The following FHDC1 variants were observed in gnomAD, a reference collection of about 807,000 sequenced individuals.
FHDC1 encodes the protein FH2 domain containing 1, also known as FH2 domain-containing protein 1.
A neutral mutation model predicts 52.6 loss-of-function variants in FHDC1; 25 were observed. The ratio of observed to expected loss-of-function variants is 0.48; its 90% confidence interval spans 0.35 to 0.66. FHDC1 has a LOEUF of 0.66. Ranked by LOEUF, FHDC1 falls within the 30% of genes least tolerant of loss-of-function variation. The pLI is 0.01. For synonymous variants in FHDC1, 616 were observed against 581.5 expected (o/e 1.06, Z -0.85); for missense variants, 1,459 against 1,452.8 (o/e 1.00, Z -0.07).
In FHDC1 at chr4:152,976,579, G is replaced by A. The variant is rs1561218242; in HGVS notation, c.3288G>A (p.Lys1096=). Residue 1096 remains lysine, a synonymous_variant, in exon 12 of 12, where the codon AAG becomes AAA. Transcript: ENST00000511601. The part of the protein sequence containing the change: ...LRRASSARAP[K]KRPESAEGPS... ...GAGCCAGCAGTGCCCGGGCCCCCAA[G>A]AAGCGCCCAGAGTCTGCGGAGGGTC... is the stretch of plus-strand genomic sequence containing the variant. The A allele has an allele frequency of 6.2e-7, 1 of 1,612,450 alleles. No individual in the cohort carries two copies. The highest frequency in any genetic ancestry group is 8.5e-7 in the Non-Finnish European group (1 of 1,179,570).
At position 152,976,016 on chromosome 4, in the gene FHDC1, A is replaced by T; in HGVS notation, c.2725A>T (p.Thr909Ser). The T allele has an allele frequency of 6.4e-7, 1 of 1,551,002 alleles. No homozygotes were observed. Among genetic ancestry groups the T allele is most frequent in the Non-Finnish European group, 8.7e-7 (1 of 1,152,906 alleles). ...GAGCATGCGCAAGGTCATGCCCATCACCAAGTCCAGCAGAGGCGCCGGCTG... is the reference window on the plus strand; with the variant it reads ...GAGCATGCGCAAGGTCATGCCCATCTCCAAGTCCAGCAGAGGCGCCGGCTG... ...NESMRKVMPI[T>S]KSSRGAGWRR... The change falls in exon 12 of 12, where the codon ACC (threonine) becomes TCC (serine). Residue 909 changes from threonine to serine, a missense_variant. Transcript: ENST00000511601.
intron 9 of FHDC1, among the ~76,000 whole-genome samples, chr4:152,966,703 C>T (rs1740466659): frequency 6.6e-6 from 1 of 152,168 alleles, no homozygotes; most frequent in Admixed American, 6.5e-5. Context: ...CTTAGGTGAT[C>T]TGCCCGCCCC....
intron 8 of FHDC1, 59 bp from the exon 9 acceptor site, chr4:152,964,846 A>G: frequency 7.0e-7 from 1 of 1,433,230 alleles, no homozygotes; most frequent in Non-Finnish European, 9.7e-7. Flanking sequence ...AAGCCCTAAG[A>G]AAATTATTTC....
intron 9 of FHDC1, 102 bp downstream of exon 9, chr4:152,965,077 G>A: frequency 8.8e-7 from 1 of 1,135,376 alleles, no homozygotes. Flanking sequence ...AAAAGGTTTT[G>A]TTTCATTGAA....
At chr4:152,965,828 T>A (rs1040351148) in intron 9 of FHDC1, among the ~76,000 whole-genome samples, 1 of 152,224 alleles carries the variant, frequency 6.6e-6, no homozygotes, top group African/African-American at 2.4e-5. Flanking sequence ...TCCTAGCATA[T>A]ACTTACTGAG....
chr4:152,928,192 C>T, the FHDC1 span: 3 of 780,524 alleles, frequency 3.8e-6, no homozygotes, highest in East Asian at 7.3e-5. Context: ...AAACCAATAC[C>T]TTCCTTGAGG....
the FHDC1 span, among the ~76,000 whole-genome samples, chr4:152,913,213 C>T: frequency 2.0e-5 from 3 of 152,150 alleles, no homozygotes; most frequent in South Asian, 2.1e-4. Context: ...AATATCTTCC[C>T]ATTGGGGAAA....
At chr4:152,928,157 G>A in the FHDC1 span, 44 of 825,728 alleles carry the variant, frequency 5.3e-5, 2 homozygotes, top group Admixed American at 6.3e-4. Context: ...CAATGCCACC[G>A]GAAAGATTGT....
chr4:152,976,125 T>C lies in FHDC1; in HGVS notation c.2834T>C (p.Val945Ala), dbSNP rs1740869945. ...ACTGTGTGGTCACGCCAGAACTCCG[T>C]GCGGAGGGCCTCCACAGGCGCCGAA... ...TDTVWSRQNSVRRASTGAEEQ... is the reference protein window; with the variant it reads ...TDTVWSRQNSARRASTGAEEQ... Residue 945 changes from valine to alanine, a missense_variant, in exon 12 of 12, where the codon GTG becomes GCG. By Grantham distance (64) the Val-to-Ala change is moderately conservative. Coordinates refer to ENST00000511601, the MANE Select transcript of FHDC1 (RefSeq NM_001371116.1). 2 of 1,611,310 alleles carry C rather than the reference T, an allele frequency of 1.2e-6. No homozygotes were observed.
intron 9 of FHDC1, among the ~76,000 whole-genome samples, chr4:152,966,490 C>T (rs1281537774): frequency 2.6e-5 from 4 of 151,990 alleles, no homozygotes; most frequent in Admixed American, 1.3e-4. Flanking sequence ...GATAGAGCCT[C>T]GCTGTGTCAC....
chr4:152,929,505 C>T, the FHDC1 span, among the ~76,000 whole-genome samples: 6 of 152,284 alleles, frequency 3.9e-5, no homozygotes, highest in African/African-American at 7.2e-5. This position sits in a 1 kb window ranked among gnomAD's most constrained non-coding sequence, Gnocchi z 4.1. Flanking sequence ...TGCCCAACGA[C>T]GCAGTTTCCA....
chr4:152,943,370 A>G lies in FHDC1; in HGVS notation c.313A>G (p.Ile105Val), dbSNP rs760473288. 7 of 1,613,414 alleles carry G rather than the reference A, an allele frequency of 4.3e-6. No homozygotes were observed. Among genetic ancestry groups the G allele is most frequent in the South Asian group, 2.2e-5 (2 of 91,042 alleles). The change falls in exon 2 of 12, where the codon ATT becomes GTT. Residue 105 changes from isoleucine (I) to valine (V), a missense_variant. Coordinates refer to ENST00000511601, the MANE Select transcript of FHDC1 (RefSeq NM_001371116.1). Reference protein sequence around the residue: ...KRMRSFFWKTIPEEQVRGKTN... With the variant: ...KRMRSFFWKTVPEEQVRGKTN... ...GATGAGAAGCTTTTTTTGGAAAACTATTCCGGAGGAGCAAGTTCGAGGCAA... is the reference window on the plus strand; with the variant it reads ...GATGAGAAGCTTTTTTTGGAAAACTGTTCCGGAGGAGCAAGTTCGAGGCAA...
the FHDC1 span, among the ~76,000 whole-genome samples, chr4:152,926,299 CACACAAACAAT>C: frequency 7.4e-6 from 1 of 135,610 alleles, no homozygotes; most frequent in African/African-American, 2.6e-5. Context: ...CACACACACA[CACACAAACAAT>C]ACACACAAAC....
chr4:152,923,648 T>C, the FHDC1 span, among the ~76,000 whole-genome samples: 1 of 148,892 alleles, frequency 6.7e-6, no homozygotes, highest in East Asian at 2.0e-4. Context: ...ATGGTACTGG[T>C]ACCAAAACAG....
At chr4:152,947,495 C>T (rs1739770212) in intron 2 of FHDC1, among the ~76,000 whole-genome samples, 1 of 152,184 alleles carries the variant, frequency 6.6e-6, no homozygotes, top group South Asian at 2.1e-4. Context: ...TCCTCAGGCC[C>T]CCTGGGAGCC....
intron 1 of FHDC1, among the ~76,000 whole-genome samples, chr4:152,939,292 G>T (rs1739509166): frequency 6.6e-6 from 1 of 152,038 alleles, no homozygotes; most frequent in African/African-American, 2.4e-5. Flanking sequence ...GTGTTTGAGT[G>T]TGTGTTTATG....
At chr4:152,912,461 C>G in the FHDC1 span, 1 of 152,096 alleles carries the variant, frequency 6.6e-6, no homozygotes, top group Non-Finnish European at 1.5e-5. Flanking sequence ...CTTACTTACT[C>G]CCTTAGGTTA....
chr4:152,972,281 C>T lies in FHDC1; in HGVS notation c.1219-96C>T, dbSNP rs984897903. On this transcript the variant is annotated intron_variant, in intron 10 of 11. Coordinates refer to ENST00000511601, the MANE Select transcript of FHDC1 (RefSeq NM_001371116.1). ...CCTTTTCCAAGACCTGAAATGAAAC[C>T]CCAGAGCACGTCTTCTCTGGGCACC... 6.2e-6 allele frequency: 8 copies of T among 1,281,752 alleles called. No homozygotes were observed. The Admixed American group carries it at 1.1e-4, about 18-fold the overall frequency. The allele number at this position is 1,281,752 out of a possible 1,614,324, so 79.4% of individuals were successfully genotyped here.
At chr4:152,913,741 C>T in the FHDC1 span, among the ~76,000 whole-genome samples, 6 of 152,112 alleles carry the variant, frequency 3.9e-5, no homozygotes, top group African/African-American at 9.7e-5. Flanking sequence ...TGCAATGGCG[C>T]GATCTTGGCT....
Sources: gnomAD v4.1 joint callset for allele counts (sites outside exome capture counted in the v4.1 genomes callset) on GRCh38, gnomAD v4.1.1 for gene constraint, Gnocchi (gnomAD v3.1) non-coding constraint, MANE v1.5 for transcripts, NCBI Gene and HGNC (gene_info 2026-07-23, HGNC 2026-07-21) for gene names.